PTBP2: variants seen among roughly 807,000 people sequenced by gnomAD.
PTBP2 encodes polypyrimidine tract binding protein 2, also known as polypyrimidine tract-binding protein 2.
PTBP2 carries 13 observed loss-of-function variants against 61.4 expected under a neutral mutation model. The ratio of observed to expected loss-of-function variants is 0.21; its 90% CI spans 0.14 to 0.34. The LOEUF is 0.34. Ranked by LOEUF, PTBP2 falls within the 10% of genes least tolerant of loss-of-function variation. The probability of loss-of-function intolerance (pLI) is 1.00; values close to 1 mark genes in which losing one functional copy is unlikely to be tolerated. For missense variants in PTBP2, 405 were observed against 642.6 expected, an observed-to-expected ratio of 0.63 and a Z score of 4.00; for synonymous variants, 215 against 218.5, an observed-to-expected ratio of 0.98 and a Z score of 0.14.
intron 3 of PTBP2, among the ~76,000 whole-genome samples, chr1:96,762,551 C>G (rs78334761): frequency 0.065 from 9,211 of 141,000 alleles, 508 homozygotes; most frequent in East Asian, 0.14. Flanking sequence ...GGGCTGACCC[C>G]CCGACCTCCT....
chr1:96,774,932 G>A (rs556784377), intron 5 of PTBP2, among the ~76,000 whole-genome samples: 4 of 152,104 alleles, frequency 2.6e-5, no homozygotes, highest in African/African-American at 9.7e-5. Flanking sequence ...GTTTTCTCTT[G>A]ATGTCAGTCG....
chr1:96,803,982 G>T (rs1173817017), intron 8 of PTBP2, among the ~76,000 whole-genome samples: 1 of 152,102 alleles, frequency 6.6e-6, no homozygotes. Flanking sequence ...AAAAGTAGAT[G>T]AACGGTGCTA....
At chr1:96,781,135 A>G (rs1238339975) in intron 7 of PTBP2, among the ~76,000 whole-genome samples, 2 of 152,182 alleles carry the variant, frequency 1.3e-5, no homozygotes, top group East Asian at 1.9e-4. Context: ...CAGACTTCTT[A>G]TATTCATGCA....
downstream of PTBP2, chr1:96,819,733 T>C (rs965001949): frequency 6.6e-6 from 1 of 151,664 alleles, no homozygotes; most frequent in African/African-American, 2.4e-5. Flanking sequence ...TTTGTGTTGT[T>C]TTGCTTTTTA....
chr1:96,762,012 C>G (rs1216210760), intron 3 of PTBP2, among the ~76,000 whole-genome samples: 4 of 151,002 alleles, frequency 2.6e-5, no homozygotes, highest in Non-Finnish European at 4.4e-5. Flanking sequence ...TCCATTTAAC[C>G]CTGAGTGGAC....
intron 11 of PTBP2, among the ~76,000 whole-genome samples, chr1:96,807,602 A>ACTGGGAC (rs1661623959): frequency 6.6e-6 from 1 of 152,182 alleles, no homozygotes; most frequent in Admixed American, 6.5e-5. Flanking sequence ...GTTCATTGAG[A>ACTGGGAC]TTCAGGGATA....
At chr1:96,793,636 G>T (rs971474970) in intron 8 of PTBP2, among the ~76,000 whole-genome samples, 2 of 152,164 alleles carry the variant, frequency 1.3e-5, no homozygotes, top group African/African-American at 4.8e-5. Flanking sequence ...CTCCCAAAGT[G>T]CTGGGATTAC....
chr1:96,807,394 T>C (rs897563735), intron 11 of PTBP2, among the ~76,000 whole-genome samples: 1 of 152,324 alleles, frequency 6.6e-6, no homozygotes, highest in South Asian at 2.1e-4. Flanking sequence ...CTAAAAACAC[T>C]GTTGTTAATC....
At chr1:96,727,659 T>A (rs1001318096) in intron 2 of PTBP2, among the ~76,000 whole-genome samples, 3 of 152,236 alleles carry the variant, frequency 2.0e-5, no homozygotes, top group Non-Finnish European at 4.4e-5. Context: ...GTTGGACATC[T>A]TTTCGTGTGC....
At chr1:96,822,904 T>C (rs1417417754) in exon 14 of PTBP2, 1 of 152,206 alleles carries the variant, frequency 6.6e-6, no homozygotes, top group Admixed American at 6.5e-5. Flanking sequence ...AACATGGATA[T>C]ATATCCTTAG....
At chr1:96,795,650 C>T (rs906772205) in intron 8 of PTBP2, among the ~76,000 whole-genome samples, 17 of 152,132 alleles carry the variant, frequency 1.1e-4, no homozygotes, top group Non-Finnish European at 2.5e-4. Context: ...ACAGTAGTTA[C>T]GTACTGTTAT....
intron 8 of PTBP2, among the ~76,000 whole-genome samples, chr1:96,795,000 T>C (rs1455077172): frequency 6.6e-6 from 1 of 152,200 alleles, no homozygotes; most frequent in African/African-American, 2.4e-5. Flanking sequence ...AACTCCTTTA[T>C]GACTGGAAGA....
intron 2 of PTBP2, 120 bp downstream of exon 2, chr1:96,723,714 T>G: frequency 1.2e-6 from 1 of 834,076 alleles, no homozygotes; most frequent in Non-Finnish European, 1.9e-6. Flanking sequence ...TGTAAAATGT[T>G]TCCTTTCATT....
chr1:96,816,969 TG>T (rs949423159), downstream of PTBP2: 4 of 152,152 alleles, frequency 2.6e-5, no homozygotes, highest in Non-Finnish European at 5.9e-5. Flanking sequence ...GAAATACTAA[TG>T]TTTTAAAATT....
At chr1:96,821,093 G>A (rs926973816) in exon 14 of PTBP2, 1 of 152,146 alleles carries the variant, frequency 6.6e-6, no homozygotes, top group East Asian at 1.9e-4. Flanking sequence ...TGGAGGTGAT[G>A]ATAGTACATG....
At chr1:96,766,710 G>T (rs1032255555) in intron 3 of PTBP2, among the ~76,000 whole-genome samples, 6 of 152,112 alleles carry the variant, frequency 3.9e-5, no homozygotes, top group Admixed American at 3.3e-4. Flanking sequence ...TGAATACTTA[G>T]TAGTCACCTC....
intron 3 of PTBP2, among the ~76,000 whole-genome samples, chr1:96,764,303 G>C (rs1656399774): frequency 6.6e-6 from 1 of 152,172 alleles, no homozygotes; most frequent in African/African-American, 2.4e-5. Flanking sequence ...TCCTTCAAGA[G>C]ATATAAAAGT....
At chr1:96,770,556 C>T (rs992130816) in intron 4 of PTBP2, 152 bp from the exon 5 acceptor site, 8 of 743,828 alleles carry the variant, frequency 1.1e-5, no homozygotes, top group African/African-American at 1.8e-5. Flanking sequence ...TAAACTTCAA[C>T]AAGAGATTTC....
At chr1:96,743,436 T>TA (rs1313024199) in intron 2 of PTBP2, among the ~76,000 whole-genome samples, 3 of 152,224 alleles carry the variant, frequency 2.0e-5, no homozygotes, top group East Asian at 1.9e-4. Context: ...GTACTCTATG[T>TA]AATTCCTGTT....
Sources: allele counts gnomAD v4.1 joint callset (sites outside exome capture counted in the v4.1 genomes callset), GRCh38; gene constraint gnomAD v4.1.1; transcripts MANE v1.5; gene names NCBI Gene and HGNC (gene_info 2026-07-23, HGNC 2026-07-21).